Variants in KIAA1549L observed in about 807,000 individuals in gnomAD.
KIAA1549L encodes KIAA1549 like.
Under a neutral mutation model 160.7 loss-of-function variants are expected in KIAA1549L, and 88 were observed. That is an observed-to-expected ratio of 0.55 (90% confidence interval 0.46 to 0.65). KIAA1549L has a LOEUF of 0.65. KIAA1549L is among the 30% of genes least tolerant of loss of function. KIAA1549L has a pLI of 0.00. For synonymous variants in KIAA1549L, 950 were observed against 976.7 expected (o/e 0.97, Z 0.51); for missense variants, 2,258 against 2,437.5 (o/e 0.93, Z 1.55).
chr11:33,588,872 G>T (rs185205900), intron 11 of KIAA1549L, among the ~76,000 whole-genome samples: 4 of 152,254 alleles, frequency 2.6e-5, no homozygotes, highest in Admixed American at 1.3e-4. Flanking sequence ...TCAGGGAACT[G>T]GGGGAGCTGT....
At chr11:33,614,047 C>CA (rs1850715384) in intron 15 of KIAA1549L, among the ~76,000 whole-genome samples, 1 of 152,108 alleles carries the variant, frequency 6.6e-6, no homozygotes, top group Admixed American at 6.5e-5. Flanking sequence ...TCGGCAGCCA[C>CA]CAACCAGAAG....
chr11:33,658,636 C>A, intron 18 of KIAA1549L, 114 bp from the exon 19 acceptor site: 2 of 1,053,240 alleles, frequency 1.9e-6, no homozygotes, highest in Non-Finnish European at 1.4e-6. Flanking sequence ...CTGGGGACCT[C>A]ATGAGGCTTG....
Position 33,662,557 on chromosome 11 carries a change from G to A in KIAA1549L, c.6159+1543G>A, listed in dbSNP as rs11032334. 9.6e-3 allele frequency among the ~76,000 whole-genome samples: 1,458 copies of A among 152,238 alleles called. 16 individuals are homozygous for A. The highest frequency in any genetic ancestry group is 0.025 in the African/African-American group (1,050 of 41,542). On this transcript the variant is annotated intron_variant, in intron 20 of 20. Transcript: ENST00000658780. ...TGGATATGATTTGAGCAATTCAGAGGTTATTGATTTTGTAATTCCACTTCA... is the reference window on the plus strand; with the variant it reads ...TGGATATGATTTGAGCAATTCAGAGATTATTGATTTTGTAATTCCACTTCA...
chr11:33,626,427 T>G (rs1851114791), intron 16 of KIAA1549L, among the ~76,000 whole-genome samples: 1 of 150,586 alleles, frequency 6.6e-6, no homozygotes, highest in Non-Finnish European at 1.5e-5. Flanking sequence ...GTATCCTCTT[T>G]TATTTCCTTG....
chr11:33,616,378 G>A (rs1252616218), intron 15 of KIAA1549L, among the ~76,000 whole-genome samples: 1 of 152,146 alleles, frequency 6.6e-6, no homozygotes, highest in Non-Finnish European at 1.5e-5. Flanking sequence ...AGTCCCACCA[G>A]AACAACTCAG....
intron 18 of KIAA1549L, among the ~76,000 whole-genome samples, 152 bp from the exon 19 acceptor site, chr11:33,658,598 C>T (rs761964532): frequency 2.6e-5 from 4 of 152,146 alleles, no homozygotes; most frequent in African/African-American, 7.2e-5. Context: ...CCTAGAAGTC[C>T]GTTTGTTATC....
Position 33,668,133 on chromosome 11 carries a change from C to G in KIAA1549L, c.6420C>G (p.Asp2140Glu), listed in dbSNP as rs1321744091. 3 of 1,613,700 alleles carry G rather than the reference C, an allele frequency of 1.9e-6. No homozygotes were observed. The highest frequency in any genetic ancestry group is 2.5e-6 in the Non-Finnish European group (3 of 1,179,796). ...EVAKLAKKQT[D>E]MFEFQV ...CCAAGCTGGCCAAAAAACAGACAGA[C>G]ATGTTTGAGTTCCAGGTCTAACGCC... The change falls in exon 21 of 21, where the codon GAC becomes GAG. Residue 2140 changes from aspartate (D) to glutamate (E), a missense_variant. Around this residue, in one of 6 missense-constraint regions of KIAA1549L, gnomAD observed 1,359 missense variants for 1,546.6 expected, o/e 0.88. Coordinates refer to ENST00000658780, the MANE Select transcript of KIAA1549L (RefSeq NM_012194.3).
Position 33,671,614 on chromosome 11 carries a change from A to ACACACACC in KIAA1549L, c.*3463_*3464insACACCCAC, listed in dbSNP as rs1392009671. On this transcript the variant is annotated 3_prime_UTR_variant, in exon 21 of 21. Coordinates refer to ENST00000658780, the MANE Select transcript of KIAA1549L (RefSeq NM_012194.3). ...CACACACACACACACACACACACAC[A>ACACACACC]CACCCTACTTCGGAGAGAGAATGTA... 1 of 151,744 alleles carries ACACACACC rather than the reference A, an allele frequency of 6.6e-6. No individual in the cohort carries two copies. Among genetic ancestry groups the ACACACACC allele is most frequent in the African/African-American group, 2.4e-5 (1 of 41,300 alleles). 9.4% of individuals were successfully genotyped at this position (151,744 alleles called of 1,614,324 possible).
At chr11:33,545,520 T>A (rs1854222440) in intron 3 of KIAA1549L, 142 bp downstream of exon 3, 1 of 1,046,704 alleles carries the variant, frequency 9.6e-7, no homozygotes, top group South Asian at 1.7e-5. Flanking sequence ...TCTGGAGACA[T>A]TTTTGGTTGT....
chr11:33,629,093 T>A (rs1851201736), intron 16 of KIAA1549L, among the ~76,000 whole-genome samples: 1 of 152,078 alleles, frequency 6.6e-6, no homozygotes, highest in Admixed American at 6.5e-5. Context: ...TTCTTTTCTT[T>A]AAGAATGTTG....
chr11:33,568,276 G>C lies in KIAA1549L; in HGVS notation c.4230+49G>C, dbSNP rs78069480. On this transcript the variant is annotated intron_variant, in intron 9 of 20. Transcript: ENST00000658780. ...GGTTTTCTAATAACTGGGGGTAGAG[G>C]GGGGGATGTGCTTCCTGAGACTAAA... The C allele has an allele frequency of 3.4e-5, 52 of 1,543,352 alleles. No homozygotes were observed. In the African/African-American group the frequency reaches 4.1e-4, roughly 12 times the overall value.
At chr11:33,590,034 A>C (rs528484241) in intron 11 of KIAA1549L, among the ~76,000 whole-genome samples, 1 of 152,232 alleles carries the variant, frequency 6.6e-6, no homozygotes, top group African/African-American at 2.4e-5. Context: ...CACCTGGACT[A>C]TGATTTATCA....
chr11:33,547,598 C>T (rs566631690), intron 3 of KIAA1549L, among the ~76,000 whole-genome samples, 166 bp from the exon 4 acceptor site: 14 of 152,282 alleles, frequency 9.2e-5, no homozygotes, highest in Admixed American at 3.3e-4. Context: ...AGGACTTTAG[C>T]GGGACCCACA....
intron 12 of KIAA1549L, among the ~76,000 whole-genome samples, chr11:33,594,050 AAG>A (rs1017867130): frequency 1.3e-5 from 2 of 152,138 alleles, no homozygotes; most frequent in African/African-American, 2.4e-5. Flanking sequence ...GAGAAGAACA[AAG>A]AGAGAGTAAG....
chr11:33,394,983 C>G (rs184936720), intron 1 of KIAA1549L, among the ~76,000 whole-genome samples: 81 of 152,306 alleles, frequency 5.3e-4, no homozygotes, highest in Non-Finnish European at 1.0e-3. Context: ...CAGGGAGAGG[C>G]TGAAACACGT....
In KIAA1549L at chr11:33,542,358, G is replaced by A. The variant is rs1214322765; in HGVS notation, c.795G>A (p.Glu265=). ...ATTCCATCATCTCTGAGCCAGCAGA[G>A]CAATCCCCCAAAGTGCTGTTAGTTC... The part of the protein sequence containing the change: ...SPHSIISEPA[E]QSPKVLLVPQ... Residue 265 remains glutamate (E), a synonymous_variant, in exon 2 of 21, where the codon GAG becomes GAA. Coordinates refer to ENST00000658780, the MANE Select transcript of KIAA1549L (RefSeq NM_012194.3). The A allele has an allele frequency of 2.2e-6, 2 of 905,588 alleles. No homozygotes were observed. Among genetic ancestry groups the A allele is most frequent in the East Asian group, 2.6e-5 (1 of 37,958 alleles). 56.1% of individuals were successfully genotyped at this position (905,588 alleles called of 1,614,324 possible).
chr11:33,562,303 G>A (rs1035270582), intron 8 of KIAA1549L, among the ~76,000 whole-genome samples: 1 of 152,196 alleles, frequency 6.6e-6, no homozygotes, highest in East Asian at 1.9e-4. Flanking sequence ...AAGCCAGACA[G>A]TAGTTTCGGG....
chr11:33,578,580 GA>G (rs1437833083), intron 10 of KIAA1549L, among the ~76,000 whole-genome samples: 2 of 152,168 alleles, frequency 1.3e-5, no homozygotes, highest in African/African-American at 4.8e-5. Context: ...CTCCATTTTA[GA>G]AAAATACTTG....
At chr11:33,594,087 T>G (rs1433452111) in intron 12 of KIAA1549L, among the ~76,000 whole-genome samples, 1 of 151,880 alleles carries the variant, frequency 6.6e-6, no homozygotes, top group East Asian at 1.9e-4. Flanking sequence ...GAGAAGGAAG[T>G]AATTTGAGAA....
Sources: gnomAD v4.1 joint callset for allele counts (sites outside exome capture counted in the v4.1 genomes callset) on GRCh38, gnomAD v4.1.1 for gene constraint, gnomAD v4.1.1 regional missense constraint, MANE v1.5 for transcripts, NCBI Gene and HGNC (gene_info 2026-07-23, HGNC 2026-07-21) for gene names.